NPHP1: variants seen among roughly 807,000 people sequenced by gnomAD.
The protein encoded by NPHP1 is nephrocystin 1, also known as nephrocystin-1.
Under a neutral mutation model 90.4 loss-of-function variants are expected in NPHP1, and 70 were observed. The ratio of observed to expected loss-of-function variants is 0.77; its 90% CI spans 0.64 to 0.95. The LOEUF is 0.95. Ranked by LOEUF, NPHP1 falls within the 40% of genes least tolerant of loss-of-function variation. NPHP1 has a pLI of 0.00. For missense variants in NPHP1, 764 were observed against 795.9 expected (o/e 0.96, Z 0.48); for synonymous variants, 256 against 271.7 (o/e 0.94, Z 0.57).
intron 4 of NPHP1, among the ~76,000 whole-genome samples, chr2:110,172,439 G>A (rs1683200006): frequency 6.6e-6 from 1 of 151,824 alleles, no homozygotes; most frequent in South Asian, 2.1e-4. Flanking sequence ...AAAGTTGGAT[G>A]TTTTAGTAAT....
At chr2:110,160,063 A>C in intron 11 of NPHP1, 64 bp downstream of exon 11, 2 of 1,556,686 alleles carry the variant, frequency 1.3e-6, no homozygotes, top group Non-Finnish European at 1.8e-6. Flanking sequence ...TGAATGGAAA[A>C]GAATCTAAGG....
chr2:110,185,508 G>C (rs955407078), intron 2 of NPHP1, among the ~76,000 whole-genome samples: 2 of 152,112 alleles, frequency 1.3e-5, no homozygotes, highest in Non-Finnish European at 2.9e-5. Flanking sequence ...GGAGACAGAG[G>C]GAGATAAACC....
chr2:110,191,478 C>T (rs188591276), intron 2 of NPHP1, among the ~76,000 whole-genome samples: 8 of 152,206 alleles, frequency 5.3e-5, no homozygotes, highest in Non-Finnish European at 7.4e-5. Flanking sequence ...TAGCCATTGC[C>T]GAGGCTTGAG....
At chr2:110,164,162 G>A (rs574931568) in intron 8 of NPHP1, 17 of 297,528 alleles carry the variant, frequency 5.7e-5, no homozygotes, top group Admixed American at 9.8e-5. Flanking sequence ...TCAGCCTCCC[G>A]AGTAGCTGGG....
intron 15 of NPHP1, chr2:110,143,959 G>A (rs1680831666): frequency 5.5e-6 from 2 of 363,800 alleles, no homozygotes; most frequent in Non-Finnish European, 1.0e-5. Context: ...TGTGGGGTCA[G>A]CAGAGGTGGC....
chr2:110,173,824 C>G (rs532092553), intron 4 of NPHP1, among the ~76,000 whole-genome samples: 1 of 152,008 alleles, frequency 6.6e-6, no homozygotes, highest in East Asian at 1.9e-4. Context: ...AATTAGATCA[C>G]GGTGGTTAAG....
rs368025611 is a variant in NPHP1 at position 110,201,460 on chromosome 2, T to G, written c.104A>C (p.Glu35Ala). Residue 35 changes from glutamate (E) to alanine (A), a missense_variant, in exon 2 of 20, where the codon GAA (glutamate) becomes GCA (alanine). Coordinates refer to ENST00000445609, the MANE Select transcript of NPHP1 (RefSeq NM_001128178.3). ...TTGTCTTTTATTGGGTTCTAGAGCT[T>G]CTTTCAGTTGGCTCTCAGAAAGCAA... ...DSLLSESQLKEALEPNKRQHI... is the reference protein window; with the variant it reads ...DSLLSESQLKAALEPNKRQHI... 1 of 1,610,924 alleles carries G rather than the reference T, an allele frequency of 6.2e-7. No individual in the cohort carries two copies. The highest frequency in any genetic ancestry group is 8.5e-7 in the Non-Finnish European group (1 of 1,178,098).
chr2:110,185,114 A>T (rs1387988570), intron 2 of NPHP1: 1 of 586,288 alleles, frequency 1.7e-6, no homozygotes, highest in Non-Finnish European at 3.4e-6. Context: ...ACCTTTAAGA[A>T]GATGTGGGTC....
intron 5 of NPHP1, among the ~76,000 whole-genome samples, 179 bp downstream of exon 5, chr2:110,169,627 C>A (rs1410605503): frequency 6.6e-6 from 1 of 152,078 alleles, no homozygotes; most frequent in East Asian, 1.9e-4. Flanking sequence ...GAAGAGGTAA[C>A]TTTAGTAACA....
intron 2 of NPHP1, among the ~76,000 whole-genome samples, chr2:110,188,376 C>T (rs1048692132): frequency 1.2e-4 from 18 of 152,092 alleles, no homozygotes; most frequent in African/African-American, 4.3e-4. Context: ...CAACAACAGG[C>T]AGGCAGAGAG....
At chr2:110,164,163 A>T (rs1682544257) in intron 8 of NPHP1, 2 of 305,682 alleles carry the variant, frequency 6.5e-6, no homozygotes, top group Admixed American at 4.8e-5. Context: ...CAGCCTCCCG[A>T]GTAGCTGGGA....
At chr2:110,147,886 T>C in intron 13 of NPHP1, 30 bp downstream of exon 13, 3 of 1,265,940 alleles carry the variant, frequency 2.4e-6, no homozygotes, top group Non-Finnish European at 3.5e-6. Flanking sequence ...AACTGATACA[T>C]TAGAAAGCCT....
intron 11 of NPHP1, among the ~76,000 whole-genome samples, chr2:110,155,361 G>A (rs1344865069): frequency 2.0e-5 from 3 of 152,150 alleles, no homozygotes; most frequent in Admixed American, 1.3e-4. Context: ...TGTGGGGTTG[G>A]AGCCCCCTCA....
At position 110,161,708 on chromosome 2, in the gene NPHP1, C is replaced by A. The variant is rs761509583; in HGVS notation, c.860-11G>T. The A allele has an allele frequency of 2.5e-6, 4 of 1,579,546 alleles. No homozygotes were observed. The highest frequency in any genetic ancestry group is 2.2e-5 in the South Asian group (2 of 90,242). On this transcript the variant is annotated splice_polypyrimidine_tract_variant and intron_variant, in intron 9 of 19. Transcript: ENST00000445609. ...CTCGAAATTGATTCCCTGAAAAAAT[C>A]ATTTTTTCTTCATTTTCTTACAAAG... is the stretch of plus-strand genomic sequence containing the variant.
intron 16 of NPHP1, among the ~76,000 whole-genome samples, chr2:110,137,636 C>T (rs1439856132): frequency 1.3e-5 from 2 of 152,188 alleles, no homozygotes; most frequent in Non-Finnish European, 1.5e-5. Flanking sequence ...TACCATCTCA[C>T]ACCAGGTAGA....
At chr2:110,162,508 C>CTGTATTCATGT in intron 9 of NPHP1, among the ~76,000 whole-genome samples, 1 of 152,032 alleles carries the variant, frequency 6.6e-6, no homozygotes, top group Non-Finnish European at 1.5e-5. Flanking sequence ...TACAGGACAC[C>CTGTATTCATGT]CCTTGTCCCC....
intron 6 of NPHP1, among the ~76,000 whole-genome samples, chr2:110,168,146 G>A (rs1682844871): frequency 6.6e-6 from 1 of 152,126 alleles, no homozygotes; most frequent in Non-Finnish European, 1.5e-5. Flanking sequence ...TTAACACAAA[G>A]TTAACTGCAG....
At chr2:110,164,857 C>A (rs964091543) in intron 7 of NPHP1, 127 bp from the exon 8 acceptor site, 1 of 957,260 alleles carries the variant, frequency 1.0e-6, no homozygotes, top group African/African-American at 1.6e-5. Context: ...CAGATGAAAA[C>A]GAGGTAGAGC....
Position 110,146,808 on chromosome 2 carries a change from A to G in NPHP1, c.1297T>C (p.Cys433Arg). Reference sequence around the variant, plus strand: ...AAAAGTTTAAGAAACACCCAGCCACAGCTTAACTCTCCTCTTTCACCAGTT... The same window carrying G: ...AAAAGTTTAAGAAACACCCAGCCACGGCTTAACTCTCCTCTTTCACCAGTT... ...NSTGERGELS[C>R]GWVFLKLFDA... The change falls in exon 14 of 20, where the codon TGT becomes CGT. Residue 433 changes from cysteine (C) to arginine (R), a missense_variant. Physicochemically the swap from Cys to Arg is radical, Grantham distance 180. Transcript: ENST00000445609. 6.2e-7 allele frequency: 1 copy of G among 1,613,606 alleles called. No homozygotes were observed. Among genetic ancestry groups the G allele is most frequent in the East Asian group, 2.2e-5 (1 of 44,846 alleles).
Sources: gnomAD v4.1 joint callset for allele counts (sites outside exome capture counted in the v4.1 genomes callset) on GRCh38, gnomAD v4.1.1 for gene constraint, MANE v1.5 for transcripts, NCBI Gene and HGNC (gene_info 2026-07-23, HGNC 2026-07-21) for gene names.